LRRFIP2: variants seen among roughly 807,000 people sequenced by gnomAD.
The protein encoded by LRRFIP2 is leucine-rich repeat flightless-interacting protein 2.
Under a neutral mutation model 125.9 loss-of-function variants are expected in LRRFIP2, and 109 were observed. The observed-to-expected ratio is 0.87, with a 90% CI of 0.74 to 1.01. The LOEUF is 1.01. LRRFIP2 is among the 50% of genes least tolerant of loss of function. The pLI, the probability that LRRFIP2 is intolerant of heterozygous loss-of-function variation, is 0.00. For missense variants in LRRFIP2, 850 were observed against 862.3 expected (o/e 0.99, Z 0.18); for synonymous variants, 291 against 293.1 (o/e 0.99, Z 0.07).
chr3:37,072,501 CAAA>C (rs907848276), intron 21 of LRRFIP2, among the ~76,000 whole-genome samples: 17 of 34,488 alleles, frequency 4.9e-4, no homozygotes, highest in African/African-American at 1.3e-3. Flanking sequence ...GACTCCGTCT[CAAA>C]AAAAAAAAAA....
chr3:37,134,974 C>T, intron 2 of LRRFIP2: 1 of 1,512,342 alleles, frequency 6.6e-7, no homozygotes, highest in South Asian at 1.1e-5. Flanking sequence ...TTCTTTTATC[C>T]ATTTGTTCAC....
intron 1 of LRRFIP2, among the ~76,000 whole-genome samples, chr3:37,149,869 C>T (rs1379618378): frequency 1.3e-5 from 2 of 151,560 alleles, no homozygotes; most frequent in Non-Finnish European, 2.9e-5. Context: ...GGCATGGTGG[C>T]GCATGCCTAT....
chr3:37,064,792 T>C (rs1455706087), intron 23 of LRRFIP2: 3 of 152,112 alleles, frequency 2.0e-5, no homozygotes, highest in Non-Finnish European at 2.9e-5. Context: ...AACAGGGTCA[T>C]AGCCAAATAA....
intron 17 of LRRFIP2, among the ~76,000 whole-genome samples, chr3:37,093,643 T>C (rs144675484): frequency 1.3e-5 from 2 of 152,160 alleles, no homozygotes; most frequent in African/African-American, 4.8e-5. Flanking sequence ...CCTCTGACTG[T>C]GATCAAAGTT....
At chr3:37,099,025 T>C (rs2093881172) in intron 15 of LRRFIP2, among the ~76,000 whole-genome samples, 1 of 152,192 alleles carries the variant, frequency 6.6e-6, no homozygotes, top group Non-Finnish European at 1.5e-5. Flanking sequence ...AGAGGTTGCA[T>C]CACTGAACTA....
chr3:37,087,592 C>CTTT (rs764949237), intron 18 of LRRFIP2, among the ~76,000 whole-genome samples: 1 of 145,002 alleles, frequency 6.9e-6, no homozygotes, highest in African/African-American at 2.5e-5. Context: ...TTAAATGCTT[C>CTTT]TTTTTTTTTT....
chr3:37,155,176 G>A (rs2096147596), intron 1 of LRRFIP2, among the ~76,000 whole-genome samples: 1 of 152,156 alleles, frequency 6.6e-6, no homozygotes, highest in African/African-American at 2.4e-5. Context: ...CAGTTTCACT[G>A]ATATAACATG....
chr3:37,135,113 T>A, intron 2 of LRRFIP2: 1 of 1,298,488 alleles, frequency 7.7e-7, no homozygotes, highest in Non-Finnish European at 1.1e-6. Context: ...TGATGCTACC[T>A]TAAAGTCAGA....
chr3:37,121,775 A>G, intron 4 of LRRFIP2, 84 bp from the exon 5 acceptor site: 1 of 1,327,264 alleles, frequency 7.5e-7, no homozygotes, highest in Admixed American at 1.7e-5. Flanking sequence ...GCAGTCAGTT[A>G]ACAGCACAGC....
In LRRFIP2 at chr3:37,091,345, T is replaced by C. The variant is rs1244866994; in HGVS notation, c.1107+122A>G. On this transcript the variant is annotated intron_variant, in intron 18 of 27. Coordinates refer to ENST00000336686, the MANE Select transcript of LRRFIP2 (RefSeq NM_006309.4). ...TCCTATGCACTGCAGGTTAAGCACA[T>C]GCTTGAAAGACAAACACTGTTAGTA... The C allele has an allele frequency of 9.5e-6, 6 of 631,154 alleles. No homozygotes were observed. The South Asian group carries it at 1.4e-4, about 14-fold the overall frequency. The allele number at this position is 631,154 out of a possible 1,614,324, so 39.1% of individuals were successfully genotyped here.
intron 1 of LRRFIP2, among the ~76,000 whole-genome samples, chr3:37,164,210 A>G (rs1486493377): frequency 6.6e-6 from 1 of 152,210 alleles, no homozygotes; most frequent in Non-Finnish European, 1.5e-5. Context: ...AAGAAAGGAA[A>G]CAAGTATGAT....
At chr3:37,083,102 T>C (rs1257538438) in intron 19 of LRRFIP2, among the ~76,000 whole-genome samples, 1 of 152,190 alleles carries the variant, frequency 6.6e-6, no homozygotes, top group Non-Finnish European at 1.5e-5. Flanking sequence ...TGCGTTATAT[T>C]CTCCATCTGT....
At chr3:37,105,162 G>T (rs2094255245) in intron 14 of LRRFIP2, among the ~76,000 whole-genome samples, 1 of 152,098 alleles carries the variant, frequency 6.6e-6, no homozygotes. Flanking sequence ...TTGGTGAACT[G>T]CACACACATG....
chr3:37,162,482 A>G (rs73827221), intron 1 of LRRFIP2, among the ~76,000 whole-genome samples: 4,985 of 152,232 alleles, frequency 0.033, 231 homozygotes, highest in African/African-American at 0.1. Flanking sequence ...ATTATAGACA[A>G]TCTATAAGTA....
At chr3:37,064,022 T>C in intron 23 of LRRFIP2, 2 of 485,972 alleles carry the variant, frequency 4.1e-6, no homozygotes, top group South Asian at 2.8e-5. Context: ...CCAACATTTG[T>C]TCCCCACAGC....
At chr3:37,063,635 C>T in intron 24 of LRRFIP2, 107 bp downstream of exon 24, 2 of 822,450 alleles carry the variant, frequency 2.4e-6, no homozygotes, top group Non-Finnish European at 4.2e-6. Flanking sequence ...CACTTGAGTA[C>T]TGATGTTTGA....
intron 9 of LRRFIP2, 89 bp downstream of exon 9, chr3:37,110,902 A>T: frequency 8.9e-7 from 1 of 1,126,956 alleles, no homozygotes; most frequent in Non-Finnish European, 1.3e-6. Flanking sequence ...TTTACAGATT[A>T]GTTACAGCTA....
At chr3:37,066,482 A>C in intron 21 of LRRFIP2, 157 bp from the exon 22 acceptor site, 1 of 642,684 alleles carries the variant, frequency 1.6e-6, no homozygotes, top group Non-Finnish European at 2.8e-6. Flanking sequence ...ATGGGAGGAA[A>C]TACAGAGTTA....
intron 13 of LRRFIP2, among the ~76,000 whole-genome samples, chr3:37,107,109 G>A (rs190438677): frequency 1.3e-5 from 2 of 151,894 alleles, no homozygotes; most frequent in African/African-American, 4.8e-5. Context: ...TCACCATGTC[G>A]GTCAGGCTAG....
Sources: allele counts gnomAD v4.1 joint callset (sites outside exome capture counted in the v4.1 genomes callset), GRCh38; gene constraint gnomAD v4.1.1; transcripts MANE v1.5; gene names NCBI Gene and HGNC (gene_info 2026-07-23, HGNC 2026-07-21).